The following SORCS1 variants were observed in gnomAD, a reference collection of about 807,000 sequenced individuals.
The protein encoded by SORCS1 is sortilin related VPS10 domain containing receptor 1, also known as VPS10 domain-containing receptor SorCS1.
Under a neutral mutation model 146.1 loss-of-function variants are expected in SORCS1, and 60 were observed. That is an observed-to-expected ratio of 0.41 (90% CI 0.33 to 0.51). SORCS1 has a LOEUF of 0.51. Among genes scored for constraint, SORCS1 ranks in the 20% least tolerant of loss-of-function variants. The pLI, the probability that SORCS1 is intolerant of heterozygous loss-of-function variation, is 0.21. For missense variants in SORCS1, 1,352 were observed against 1,487.6 expected, an observed-to-expected ratio of 0.91 and a Z score of 1.50; for synonymous variants, 637 against 584.0, an observed-to-expected ratio of 1.09 and a Z score of -1.31.
chr10:106,811,892 A>T (rs1054462266), intron 3 of SORCS1, among the ~76,000 whole-genome samples: 1 of 152,180 alleles, frequency 6.6e-6, no homozygotes, highest in Non-Finnish European at 1.5e-5. Context: ...ACATCCTTGC[A>T]TGGTTACCAG....
In SORCS1 at chr10:106,891,504, CT is replaced by C. The variant is rs760812204; in HGVS notation, c.627-61832del. Among the ~76,000 whole-genome samples the C allele has an allele frequency of 2.6e-3, 251 of 97,022 alleles. 2 individuals carry two copies. Among genetic ancestry groups the C allele is most frequent in the East Asian group, 4.6e-3 (16 of 3,482 alleles). The allele number at this position is 97,022 out of a possible 152,430, so 63.7% of individuals were successfully genotyped here. On this transcript the variant is annotated intron_variant, in intron 2 of 25. Coordinates refer to ENST00000263054, the MANE Select transcript of SORCS1 (RefSeq NM_052918.5). ...GTAATCAGAAGTTTCAATGGGAATT[CT>C]TTTTTTTTTTTTGAGAAAAGACCTT...
intron 15 of SORCS1, among the ~76,000 whole-genome samples, chr10:106,671,613 G>A (rs567048330): frequency 1.3e-5 from 2 of 152,260 alleles, no homozygotes; most frequent in South Asian, 2.1e-4. Context: ...CACTTATCAA[G>A]CCTTTATTTG....
In SORCS1 at chr10:107,078,751, A is replaced by T. The variant is rs774352436; in HGVS notation, c.558+85218T>A. Among the ~76,000 whole-genome samples the T allele has an allele frequency of 4.5e-4, 68 of 152,164 alleles. 1 individual carries two copies. The highest frequency in any genetic ancestry group is 3.2e-3 in the Middle Eastern group (1 of 316). ...TCCTCTTCCAAGAAAACTACAACCC[A>T]TATTTCCTAATTTAGCACTTAACAA... On this transcript the variant is annotated intron_variant, in intron 1 of 25. Transcript: ENST00000263054.
intron 4 of SORCS1, among the ~76,000 whole-genome samples, chr10:106,775,805 T>G (rs1477523056): frequency 6.6e-6 from 1 of 152,224 alleles, no homozygotes; most frequent in Admixed American, 6.5e-5. Context: ...AATTTAATTT[T>G]ATTAGCTATT....
intron 1 of SORCS1, among the ~76,000 whole-genome samples, chr10:107,089,541 C>G (rs763882101): frequency 2.7e-4 from 41 of 152,186 alleles, no homozygotes; most frequent in Non-Finnish European, 5.1e-4. Flanking sequence ...CAGAAAATAT[C>G]TTTCCTTCTC....
intron 3 of SORCS1, among the ~76,000 whole-genome samples, chr10:106,826,861 C>A (rs371161107): frequency 3.9e-5 from 6 of 152,290 alleles, no homozygotes; most frequent in African/African-American, 1.4e-4. Flanking sequence ...GAAAGCCATT[C>A]CCTCATAGTC....
chr10:106,899,460 G>T (rs1355001606), intron 2 of SORCS1, among the ~76,000 whole-genome samples: 1 of 152,194 alleles, frequency 6.6e-6, no homozygotes, highest in Non-Finnish European at 1.5e-5. Flanking sequence ...ACCCCATGTG[G>T]ATAAGCTGCG....
At chr10:106,922,982 G>A (rs1421677077) in intron 2 of SORCS1, among the ~76,000 whole-genome samples, 10 of 151,492 alleles carry the variant, frequency 6.6e-5, no homozygotes, top group South Asian at 2.1e-4. Flanking sequence ...TCCACCTCCC[G>A]GGTTCAAGCA....
chr10:107,106,314 G>A (rs916652683), intron 1 of SORCS1, among the ~76,000 whole-genome samples: 1 of 152,196 alleles, frequency 6.6e-6, no homozygotes, highest in Admixed American at 6.5e-5. Context: ...TACAGGTTGA[G>A]TATCTCATTC....
At chr10:107,031,188 C>CT (rs1654368217) in intron 1 of SORCS1, among the ~76,000 whole-genome samples, 1 of 152,170 alleles carries the variant, frequency 6.6e-6, no homozygotes, top group Non-Finnish European at 1.5e-5. Flanking sequence ...GAACAATCTC[C>CT]TTTTTTCTAA....
intron 2 of SORCS1, among the ~76,000 whole-genome samples, chr10:106,911,210 A>G: frequency 6.6e-6 from 1 of 152,234 alleles, no homozygotes; most frequent in Non-Finnish European, 1.5e-5. Flanking sequence ...TGACACCAGT[A>G]GATTAGCTTT....
At chr10:106,752,997 TG>T (rs1362532662) in intron 5 of SORCS1, among the ~76,000 whole-genome samples, 1 of 152,088 alleles carries the variant, frequency 6.6e-6, no homozygotes, top group Non-Finnish European at 1.5e-5. Flanking sequence ...AAGTGAGTGA[TG>T]GTATTCATTT....
intron 6 of SORCS1, among the ~76,000 whole-genome samples, chr10:106,721,666 T>A (rs1008475308): frequency 5.3e-5 from 8 of 152,246 alleles, no homozygotes; most frequent in African/African-American, 1.9e-4. Flanking sequence ...TGCAAATATT[T>A]CAGAAGGCAA....
chr10:107,093,044 C>A (rs567550539), intron 1 of SORCS1, among the ~76,000 whole-genome samples: 1 of 152,198 alleles, frequency 6.6e-6, no homozygotes, highest in African/African-American at 2.4e-5. Flanking sequence ...CTCATTTAAT[C>A]CTTACAAAAG....
At chr10:106,915,237 T>G (rs1183517247) in intron 2 of SORCS1, among the ~76,000 whole-genome samples, 1 of 152,200 alleles carries the variant, frequency 6.6e-6, no homozygotes, top group African/African-American at 2.4e-5. Flanking sequence ...CTGTTAGGCA[T>G]GCTAGGCACC....
rs561658267 is a variant in SORCS1 at position 106,804,357 on chromosome 10, A to G, written c.726+25217T>C. Among the ~76,000 whole-genome samples, 775 of 130,706 alleles carry G rather than the reference A, an allele frequency of 5.9e-3. 8 individuals are homozygous for G. Among genetic ancestry groups the G allele is most frequent in the Non-Finnish European group, 8.4e-3 (497 of 59,006 alleles). The allele number at this position is 130,706 out of a possible 152,430, so 85.7% of individuals were successfully genotyped here. The stretch of plus-strand genomic sequence containing the variant: ...CGAAGAGAAAATAAAATAAAATAAA[A>G]TAAAATAAAATAAAATAAAATAAAA... On this transcript the variant is annotated intron_variant, in intron 3 of 25. Coordinates refer to ENST00000263054, the MANE Select transcript of SORCS1 (RefSeq NM_052918.5).
intron 24 of SORCS1, among the ~76,000 whole-genome samples, chr10:106,588,818 G>A (rs568271817): frequency 2.5e-5 from 3 of 120,416 alleles, no homozygotes; most frequent in East Asian, 5.5e-4. Context: ...CCGAGATCAC[G>A]CCACTGCACT....
At chr10:106,949,096 C>G (rs1954532236) in intron 2 of SORCS1, among the ~76,000 whole-genome samples, 1 of 152,194 alleles carries the variant, frequency 6.6e-6, no homozygotes, top group African/African-American at 2.4e-5. Context: ...ACCTCCGGAT[C>G]CTGCCTGAAC....
At chr10:106,853,122 T>G (rs1360032285) in intron 2 of SORCS1, among the ~76,000 whole-genome samples, 1 of 152,206 alleles carries the variant, frequency 6.6e-6, no homozygotes, top group African/African-American at 2.4e-5. Flanking sequence ...TTTGGAAGAT[T>G]ATTAATTATT....
Sources: allele counts gnomAD v4.1 joint callset (sites outside exome capture counted in the v4.1 genomes callset), GRCh38; gene constraint gnomAD v4.1.1; transcripts MANE v1.5; gene names NCBI Gene and HGNC (gene_info 2026-07-23, HGNC 2026-07-21).